The following MAGI2 variants were observed in gnomAD, a reference collection of about 807,000 sequenced individuals.
MAGI2 encodes the protein membrane-associated guanylate kinase, WW and PDZ domain-containing protein 2.
A neutral mutation model predicts 133.3 loss-of-function variants in MAGI2; 35 were observed. The ratio of observed to expected loss-of-function variants is 0.26; its 90% CI spans 0.20 to 0.35. The LOEUF (loss-of-function observed/expected upper bound fraction) is 0.35. Ranked by LOEUF, MAGI2 falls within the 10% of genes least tolerant of loss-of-function variation. MAGI2 has a pLI of 1.00. For synonymous variants in MAGI2, 729 were observed against 710.6 expected (o/e 1.03, Z -0.41); for missense variants, 1,636 against 1,863.4 (o/e 0.88, Z 2.25).
At chr7:78,387,976 A>G (rs1166257368) in intron 6 of MAGI2, among the ~76,000 whole-genome samples, 1 of 146,554 alleles carries the variant, frequency 6.8e-6, no homozygotes, top group African/African-American at 2.5e-5. Flanking sequence ...AAATAAATAA[A>G]ATAATAAAAT....
chr7:78,896,132 T>C (rs1447232631), intron 2 of MAGI2, among the ~76,000 whole-genome samples: 1 of 152,184 alleles, frequency 6.6e-6, no homozygotes, highest in Non-Finnish European at 1.5e-5. Context: ...TCAAGTTAAT[T>C]TGGGATATAA....
At chr7:78,574,626 T>C (rs1802076282) in intron 3 of MAGI2, among the ~76,000 whole-genome samples, 1 of 152,220 alleles carries the variant, frequency 6.6e-6, no homozygotes, top group African/African-American at 2.4e-5. Context: ...GGATAAGTAT[T>C]AGAGTACATA....
At chr7:79,012,938 A>G (rs1366064263) in intron 1 of MAGI2, among the ~76,000 whole-genome samples, 1 of 152,156 alleles carries the variant, frequency 6.6e-6, no homozygotes, top group Non-Finnish European at 1.5e-5. Context: ...GTTTCTTTTT[A>G]TAAGGGTACC....
intron 1 of MAGI2, among the ~76,000 whole-genome samples, chr7:79,284,105 A>G (rs990679658): frequency 2.0e-5 from 3 of 152,136 alleles, no homozygotes; most frequent in Non-Finnish European, 4.4e-5. Context: ...TGTTCACACA[A>G]TAATGAAATC....
chr7:78,898,167 A>G (rs536224321), intron 2 of MAGI2, among the ~76,000 whole-genome samples: 19 of 152,294 alleles, frequency 1.2e-4, no homozygotes, highest in African/African-American at 4.3e-4. Flanking sequence ...GGCTATTATT[A>G]AAAAGTCAAA....
chr7:78,111,694 G>A (rs1295792524), intron 20 of MAGI2, among the ~76,000 whole-genome samples: 4 of 152,226 alleles, frequency 2.6e-5, no homozygotes, highest in African/African-American at 9.7e-5. Context: ...CTCTGTGAGA[G>A]GCTTTTCTTT....
At chr7:78,133,271 G>A (rs926039328) in intron 17 of MAGI2, among the ~76,000 whole-genome samples, 5 of 152,104 alleles carry the variant, frequency 3.3e-5, no homozygotes, top group African/African-American at 1.2e-4. Flanking sequence ...TGCAGAACAA[G>A]GCTATGAACA....
chr7:78,578,374 A>G (rs987785720), intron 3 of MAGI2, among the ~76,000 whole-genome samples: 1 of 152,186 alleles, frequency 6.6e-6, no homozygotes, highest in Non-Finnish European at 1.5e-5. Flanking sequence ...GCAAATGGAA[A>G]CCAATGTAAA....
intron 1 of MAGI2, among the ~76,000 whole-genome samples, chr7:79,298,466 C>T (rs12666679): frequency 0.93 from 141,512 of 151,952 alleles, 66,252 homozygotes; most frequent in Non-Finnish European, 0.98. Context: ...TTGTAACACA[C>T]AAAAAAACCT....
At chr7:78,206,332 C>T (rs1453075486) in intron 10 of MAGI2, among the ~76,000 whole-genome samples, 2 of 146,034 alleles carry the variant, frequency 1.4e-5, no homozygotes, top group Non-Finnish European at 3.0e-5. Context: ...TGCTCTGTTG[C>T]CTAGGCTGGA....
rs116017136 is a variant in MAGI2, at chr7:78,821,056, G to A, written c.418+186034C>T. 2.0e-3 allele frequency among the ~76,000 whole-genome samples: 303 copies of A among 152,138 alleles called. 1 individual carries two copies. The highest frequency in any genetic ancestry group is 7.1e-3 in the African/African-American group (297 of 41,570). On this transcript the variant is annotated intron_variant, in intron 2 of 21. Coordinates refer to ENST00000354212, the MANE Select transcript of MAGI2 (RefSeq NM_012301.4). The stretch of plus-strand genomic sequence containing the variant: ...CAGACATGGAGAAGTAGTGCTGAAT[G>A]CTGCAAGCAAAGATAGTATTAGAAA...
intron 2 of MAGI2, among the ~76,000 whole-genome samples, chr7:78,859,554 G>C (rs569319899): frequency 9.7e-4 from 148 of 152,334 alleles, no homozygotes; most frequent in Non-Finnish European, 1.8e-3. Flanking sequence ...CTTTAGGAAT[G>C]TTGAATATTG....
intron 2 of MAGI2, among the ~76,000 whole-genome samples, chr7:78,750,304 C>T (rs1368740934): frequency 6.6e-6 from 1 of 152,056 alleles, no homozygotes; most frequent in Non-Finnish European, 1.5e-5. Flanking sequence ...GGGTTGGTTC[C>T]AAGTCTTTGC....
intron 1 of MAGI2, chr7:79,343,505 T>C (rs1023897899): frequency 1.3e-5 from 2 of 151,380 alleles, no homozygotes; most frequent in Non-Finnish European, 2.9e-5. Flanking sequence ...GACATTTATA[T>C]TTATTTTTAT....
chr7:78,362,353 A>G (rs1470651996), intron 7 of MAGI2, among the ~76,000 whole-genome samples: 3 of 152,212 alleles, frequency 2.0e-5, no homozygotes, highest in Non-Finnish European at 2.9e-5. Context: ...CATGCAAAGT[A>G]AAATGGTAGT....
intron 1 of MAGI2, among the ~76,000 whole-genome samples, chr7:79,077,421 C>A (rs547219306): frequency 6.6e-6 from 1 of 150,498 alleles, no homozygotes; most frequent in African/African-American, 2.4e-5. Context: ...ATTAGCCAGG[C>A]GTGGTGGCGG....
At chr7:78,735,250 C>T (rs1448994204) in intron 2 of MAGI2, among the ~76,000 whole-genome samples, 1 of 151,842 alleles carries the variant, frequency 6.6e-6, no homozygotes, top group Non-Finnish European at 1.5e-5. Context: ...TTTGTTTTAC[C>T]TTGTAAGAGA....
At chr7:79,245,851 C>T (rs1220251880) in intron 1 of MAGI2, among the ~76,000 whole-genome samples, 1 of 152,184 alleles carries the variant, frequency 6.6e-6, no homozygotes, top group Non-Finnish European at 1.5e-5. Flanking sequence ...TCAGGTGTGG[C>T]CCAGCATGGC....
intron 5 of MAGI2, among the ~76,000 whole-genome samples, chr7:78,495,724 C>T (rs1301265379): frequency 6.6e-6 from 1 of 152,052 alleles, no homozygotes; most frequent in African/African-American, 2.4e-5. Context: ...TGAATATTTG[C>T]ATTTGCCATT....
Sources: gnomAD v4.1 joint callset for allele counts (sites outside exome capture counted in the v4.1 genomes callset) on GRCh38, gnomAD v4.1.1 for gene constraint, MANE v1.5 for transcripts, NCBI Gene and HGNC (gene_info 2026-07-23, HGNC 2026-07-21) for gene names.